Variants in UNC80 observed in about 807,000 individuals in gnomAD.
The protein encoded by UNC80 is unc-80 subunit of NALCN channel complex.
UNC80 carries 164 observed loss-of-function variants against 384.6 expected under a neutral mutation model. The ratio of observed to expected loss-of-function variants is 0.43; its 90% CI spans 0.38 to 0.49. The LOEUF (loss-of-function observed/expected upper bound fraction) is 0.49. UNC80 is among the 20% of genes least tolerant of loss of function. UNC80 has a pLI of 0.00. For synonymous variants in UNC80, 1,486 were observed against 1,527.8 expected, an observed-to-expected ratio of 0.97 and a Z score of 0.64; for missense variants, 3,330 against 4,143.0, an observed-to-expected ratio of 0.80 and a Z score of 5.39.
At chr2:209,894,062 A>G (rs1559280620) in intron 26 of UNC80, 101 bp from the exon 27 acceptor site, 1 of 799,914 alleles carries the variant, frequency 1.3e-6, no homozygotes, top group Non-Finnish European at 1.5e-6. Flanking sequence ...CATCCAGGCC[A>G]GCAGAGGAGG....
At chr2:209,869,425 G>T (rs971830814) in intron 22 of UNC80, among the ~76,000 whole-genome samples, 1 of 152,054 alleles carries the variant, frequency 6.6e-6, no homozygotes, top group African/African-American at 2.4e-5. Context: ...CACACACATT[G>T]CAAACTCAGC....
intron 21 of UNC80, among the ~76,000 whole-genome samples, chr2:209,843,524 T>C (rs111554732): frequency 0.013 from 2,037 of 152,158 alleles, 50 homozygotes; most frequent in African/African-American, 0.045. Flanking sequence ...GGAGAATCCA[T>C]TTTCAATCCT....
intron 7 of UNC80, among the ~76,000 whole-genome samples, chr2:209,801,047 G>C (rs2153826283): frequency 6.6e-6 from 1 of 152,190 alleles, no homozygotes; most frequent in Non-Finnish European, 1.5e-5. Flanking sequence ...GGGGTAGAGA[G>C]TTCTGTAAAC....
chr2:209,955,905 C>T (rs374049563), intron 48 of UNC80, among the ~76,000 whole-genome samples: 5 of 150,792 alleles, frequency 3.3e-5, no homozygotes, highest in Admixed American at 2.7e-4. Context: ...CACCAGGCCC[C>T]GATAATTTTT....
intron 21 of UNC80, among the ~76,000 whole-genome samples, chr2:209,842,961 T>G (rs1309140991): frequency 6.6e-6 from 1 of 152,208 alleles, no homozygotes; most frequent in East Asian, 1.9e-4. Context: ...AGTTATGATG[T>G]CTGTACCAAG....
chr2:209,860,360 G>T (rs1191010708), intron 22 of UNC80, among the ~76,000 whole-genome samples: 1 of 152,088 alleles, frequency 6.6e-6, no homozygotes, highest in African/African-American at 2.4e-5. Flanking sequence ...TGTTATTTCC[G>T]AGGTCTCTGT....
intron 61 of UNC80, among the ~76,000 whole-genome samples, chr2:209,989,639 A>G (rs1054077421): frequency 6.6e-6 from 1 of 152,208 alleles, no homozygotes; most frequent in Non-Finnish European, 1.5e-5. Context: ...TAAAAACTGG[A>G]CATAACATAG....
rs1349058350 is a variant in UNC80 at position 209,976,401 on chromosome 2, C to T, written c.8772+98C>T. 2.0e-6 allele frequency: 3 copies of T among 1,466,784 alleles called. No individual in the cohort carries two copies. Among genetic ancestry groups the T allele is most frequent in the Non-Finnish European group, 1.9e-6 (2 of 1,080,252 alleles). The allele number at this position is 1,466,784 out of a possible 1,614,324, so 90.9% of individuals were successfully genotyped here. A position where few individuals can be genotyped will look rare whatever the true frequency, so the allele number is the denominator to read the frequency against. ...ATGGCAGGAGTGCTCATGGTACCTACTGTTGCCAGTTAGTAGGGCCTGTTA... is the reference window on the plus strand; with the variant it reads ...ATGGCAGGAGTGCTCATGGTACCTATTGTTGCCAGTTAGTAGGGCCTGTTA... On this transcript the variant is annotated intron_variant, in intron 57 of 64. Transcript: ENST00000673920. This position sits in a 1 kb window ranked among gnomAD's most constrained non-coding sequence, Gnocchi z 4.3.
At position 209,849,596 on chromosome 2, in the gene UNC80, C is replaced by T; in HGVS notation, c.3600C>T (p.Ala1200=). The change falls in exon 22 of 65, where the codon GCC becomes GCT. Residue 1200 remains alanine (A), a synonymous_variant. Coordinates refer to ENST00000673920, the MANE Select transcript of UNC80 (RefSeq NM_001371986.1). ...NCCEPGTIPD[A]SILAAALDLE... is the part of the protein sequence containing the mutation. ...GTGAGCCAGGGACAATTCCTGATGC[C>T]TCCATCCTAGCAGCTGCCTTGGATC... 1.3e-6 allele frequency: 2 copies of T among 1,550,762 alleles called. No homozygotes were observed. The highest frequency in any genetic ancestry group is 1.7e-4 in the Middle Eastern group (1 of 5,978).
chr2:209,835,019 C>G lies in UNC80; in HGVS notation c.3041+9C>G. On this transcript the variant is annotated intron_variant, in intron 18 of 64. Coordinates refer to ENST00000673920, the MANE Select transcript of UNC80 (RefSeq NM_001371986.1). ...TCACAGACTCCAGAGCAGTAAGTAG[C>G]GTTGGTTTTGTCTCCAGTGCAGACG... 3.2e-6 allele frequency: 5 copies of G among 1,547,492 alleles called. No homozygotes were observed. The highest frequency in any genetic ancestry group is 8.7e-7 in the Non-Finnish European group (1 of 1,144,200).
At chr2:209,840,340 G>A (rs545343717) in intron 19 of UNC80, among the ~76,000 whole-genome samples, 4 of 152,218 alleles carry the variant, frequency 2.6e-5, no homozygotes, top group Admixed American at 1.3e-4. Flanking sequence ...GATTCTTTTC[G>A]TCTTGGTCCC....
intron 47 of UNC80, among the ~76,000 whole-genome samples, chr2:209,953,825 C>A (rs535338076): frequency 2.0e-5 from 3 of 152,124 alleles, no homozygotes; most frequent in African/African-American, 4.8e-5. Context: ...TTCTGTTATT[C>A]TTTCAACCAT....
intron 36 of UNC80, 34 bp from the exon 37 acceptor site, chr2:209,929,837 A>G (rs1401971358): frequency 1.4e-6 from 2 of 1,439,556 alleles, no homozygotes; most frequent in South Asian, 2.7e-5. Context: ...AACTCCATTA[A>G]AGACAAATGT....
At chr2:209,923,813 A>C (rs1052206375) in intron 35 of UNC80, among the ~76,000 whole-genome samples, 1 of 152,222 alleles carries the variant, frequency 6.6e-6, no homozygotes, top group African/African-American at 2.4e-5. Flanking sequence ...CTTGAAACTA[A>C]ATTACGTCTC....
At chr2:209,931,364 AACACACACACACACACAC>A (rs61386739) in intron 38 of UNC80, among the ~76,000 whole-genome samples, 43 of 125,558 alleles carry the variant, frequency 3.4e-4, no homozygotes, top group African/African-American at 9.2e-4. Context: ...TCTATGTTTA[AACACACACACACACACAC>A]ACACACACAC....
intron 7 of UNC80, chr2:209,809,098 C>A: frequency 1.9e-6 from 1 of 522,818 alleles, no homozygotes; most frequent in Non-Finnish European, 3.5e-6. Context: ...GTCCCCCAGC[C>A]CACGTTCACA....
intron 13 of UNC80, among the ~76,000 whole-genome samples, chr2:209,821,643 G>T (rs2080139603): frequency 6.6e-6 from 1 of 152,032 alleles, no homozygotes; most frequent in African/African-American, 2.4e-5. Flanking sequence ...ATTATTAATT[G>T]TTCCTAAATT....
At position 209,888,257 on chromosome 2, in the gene UNC80, A is replaced by C. The variant is rs1290876202; in HGVS notation, c.4273A>C (p.Lys1425Gln). The change falls in exon 26 of 65, where the codon AAA (lysine) becomes CAA (glutamine). Residue 1425 changes from lysine (K) to glutamine (Q), a missense_variant. By Grantham distance (53) the Lys-to-Gln change is moderately conservative. Coordinates refer to ENST00000673920, the MANE Select transcript of UNC80 (RefSeq NM_001371986.1). ...ATCAGATGCAGGAGTCGAGGAGAAG[A>C]AAGGTATGGAAACACAAAGGTTCCT... ...LKSDAGVEEK[K>Q]VPSRKIRIGG... The C allele has an allele frequency of 1.3e-6, 2 of 1,551,498 alleles. No homozygotes were observed. The highest frequency in any genetic ancestry group is 1.7e-6 in the Non-Finnish European group (2 of 1,146,952).
At chr2:209,818,649 A>G (rs779383815) in intron 11 of UNC80, among the ~76,000 whole-genome samples, 7 of 152,204 alleles carry the variant, frequency 4.6e-5, no homozygotes, top group Non-Finnish European at 7.3e-5. Flanking sequence ...CTATAAACAA[A>G]TAGTTTATAT....
Sources: gnomAD v4.1 joint callset for allele counts (sites outside exome capture counted in the v4.1 genomes callset) on GRCh38, gnomAD v4.1.1 for gene constraint, Gnocchi (gnomAD v3.1) non-coding constraint, MANE v1.5 for transcripts, NCBI Gene and HGNC (gene_info 2026-07-23, HGNC 2026-07-21) for gene names.